Variants in ABL1 observed in about 807,000 individuals in gnomAD.
ABL1 encodes the protein ABL proto-oncogene 1, non-receptor tyrosine kinase.
Under a neutral mutation model 94.7 loss-of-function variants are expected in ABL1, and 11 were observed. The observed-to-expected ratio is 0.12, with a 90% CI of 0.07 to 0.19. The LOEUF (loss-of-function observed/expected upper bound fraction) is 0.19. Among genes scored for constraint, ABL1 ranks in the 10% least tolerant of loss-of-function variants. ABL1 has a pLI of 1.00. For synonymous variants in ABL1, 656 were observed against 622.4 expected (o/e 1.05, Z -0.80); for missense variants, 1,082 against 1,489.4 (o/e 0.73, Z 4.50).
chr9:130,783,687 G>T (rs1425970443), intron 1 of ABL1, among the ~76,000 whole-genome samples: 1 of 151,828 alleles, frequency 6.6e-6, no homozygotes, highest in Non-Finnish European at 1.5e-5. Context: ...ACAGAGTCTC[G>T]CTCTGTCGCC....
intron 1 of ABL1, among the ~76,000 whole-genome samples, chr9:130,782,738 C>A (rs930959521): frequency 4.6e-5 from 7 of 152,178 alleles, no homozygotes; most frequent in Non-Finnish European, 1.0e-4. Flanking sequence ...TGGTGACTGT[C>A]CTTGCTAAGA....
intron 1 of ABL1, among the ~76,000 whole-genome samples, chr9:130,793,100 ATT>A (rs1332102833): frequency 6.6e-6 from 1 of 151,968 alleles, no homozygotes; most frequent in Non-Finnish European, 1.5e-5. Flanking sequence ...TAGTTTTTGT[ATT>A]TTTAGTAGAG....
chr9:130,853,293 A>C (rs778646741), intron 1 of ABL1, among the ~76,000 whole-genome samples: 6 of 145,284 alleles, frequency 4.1e-5, no homozygotes, highest in Non-Finnish European at 8.9e-5. Context: ...CTCCTGCCTC[A>C]GCCTCCCAAG....
chr9:130,866,364 C>G (rs1176252274), intron 4 of ABL1, among the ~76,000 whole-genome samples: 1 of 152,052 alleles, frequency 6.6e-6, no homozygotes, highest in Non-Finnish European at 1.5e-5. Context: ...TCACCTTTTC[C>G]CCCCACTCTC....
rs192500118 is a variant in ABL1 at position 130,713,361 on chromosome 9, G to A, written c.-959G>A. Reference sequence around the variant, plus strand: ...AGAGTCCTTCGTCCCTTACAGCCCCGCCCCGGCTTTGGGACACTGCGGGTG... The same window carrying A: ...AGAGTCCTTCGTCCCTTACAGCCCCACCCCGGCTTTGGGACACTGCGGGTG... On this transcript the variant is annotated 5_prime_UTR_variant, in exon 1 of 11. Coordinates refer to the ABL1 transcript ENST00000372348. Among the ~76,000 whole-genome samples, 462 of 152,258 alleles carry A rather than the reference G, an allele frequency of 3.0e-3. 5 individuals carry two copies. The highest frequency in any genetic ancestry group is 0.011 in the African/African-American group (445 of 41,538).
At chr9:130,800,928 C>CTTTTTTTTTTTTTTTTTT (rs5900906) in intron 1 of ABL1, among the ~76,000 whole-genome samples, 1 of 128,774 alleles carries the variant, frequency 7.8e-6, no homozygotes, top group Non-Finnish European at 1.7e-5. Flanking sequence ...TTTTTCTTTC[C>CTTTTTTTTTTTTTTTTTT]TTTTTTTTTT....
At chr9:130,785,784 A>T (rs1454652102) in intron 1 of ABL1, among the ~76,000 whole-genome samples, 1 of 151,784 alleles carries the variant, frequency 6.6e-6, no homozygotes, top group Non-Finnish European at 1.5e-5. Context: ...TTAGCTGGGC[A>T]TGGTGGTGCA....
In ABL1 at chr9:130,880,454, A is replaced by G; in HGVS notation, c.1514-46A>G. 1.2e-6 allele frequency: 2 copies of G among 1,607,538 alleles called. No homozygotes were observed. Among genetic ancestry groups the G allele is most frequent in the Non-Finnish European group, 1.7e-6 (2 of 1,174,926 alleles). On this transcript the variant is annotated intron_variant, in intron 9 of 10. Coordinates refer to ENST00000318560, the MANE Select transcript of ABL1 (RefSeq NM_005157.6). This position sits in a 1 kb window ranked among gnomAD's most constrained non-coding sequence, Gnocchi z 4.4. ...ACCACCACACCAAGCCAACACCAGT[A>G]CTGATGGCTGCTGGATTTTTGTTTC...
chr9:130,848,431 T>A (rs1230675577), intron 1 of ABL1, among the ~76,000 whole-genome samples: 2 of 144,142 alleles, frequency 1.4e-5, no homozygotes, highest in African/African-American at 2.6e-5. Flanking sequence ...GGCAGGAGAA[T>A]CACGTGAACC....
rs768449586 is a variant in ABL1 at position 130,872,845 on chromosome 9, T to C, written c.908-15T>C. 2.5e-6 allele frequency: 4 copies of C among 1,601,418 alleles called. No homozygotes were observed. Among genetic ancestry groups the C allele is most frequent in the South Asian group, 1.1e-5 (1 of 90,200 alleles). ...GCGGAGCCACGTGTTGAAGTCCTCG[T>C]TGTCTTGTTGGCAGGGGTCTGCACC... On this transcript the variant is annotated splice_polypyrimidine_tract_variant and intron_variant, in intron 5 of 10. Transcript: ENST00000318560. The surrounding 1 kb of genome is among the most constrained non-coding windows in gnomAD (Gnocchi z 5.0).
At chr9:130,883,854 T>C in intron 10 of ABL1, 115 bp from the exon 11 acceptor site, 3 of 1,307,144 alleles carry the variant, frequency 2.3e-6, no homozygotes, top group Non-Finnish European at 1.0e-6. Flanking sequence ...GGAGTCTCAC[T>C]CTGTCTCCTG....
chr9:130,874,767 A>G (rs1317461255), intron 6 of ABL1, 101 bp from the exon 7 acceptor site: 5 of 1,286,102 alleles, frequency 3.9e-6, no homozygotes, highest in Admixed American at 3.7e-5. Context: ...ATTGGACTCA[A>G]TCTTTCCATT....
Position 130,872,090 on chromosome 9 carries a change from TC to T in ABL1, c.823-37del, listed in dbSNP as rs1263423560. The T allele has an allele frequency of 6.3e-7, 1 of 1,596,230 alleles. No homozygotes were observed. The highest frequency in any genetic ancestry group is 1.7e-5 in the Admixed American group (1 of 59,680). On this transcript the variant is annotated intron_variant, in intron 4 of 10. Coordinates refer to ENST00000318560, the MANE Select transcript of ABL1 (RefSeq NM_005157.6). This position sits in a 1 kb window ranked among gnomAD's most constrained non-coding sequence, Gnocchi z 5.0. ...AAGTACTTACCCACTGAAAAGCACT[TC>T]CTGAAATAATTTCACCTTCGTTTTT...
At chr9:130,807,853 A>G (rs1454517950) in intron 1 of ABL1, among the ~76,000 whole-genome samples, 1 of 151,016 alleles carries the variant, frequency 6.6e-6, no homozygotes, top group East Asian at 1.9e-4. Context: ...ACCCGCCACC[A>G]TGCCCGGCTA....
chr9:130,882,980 A>G (rs1339868490), intron 10 of ABL1, among the ~76,000 whole-genome samples: 1 of 151,732 alleles, frequency 6.6e-6, no homozygotes, highest in African/African-American at 2.4e-5. Flanking sequence ...CCCGTGGCAC[A>G]AGCTGGGGGC....
chr9:130,721,824 T>G (rs1164946770), intron 1 of ABL1, among the ~76,000 whole-genome samples: 4 of 144,922 alleles, frequency 2.8e-5, no homozygotes, highest in African/African-American at 5.0e-5. Context: ...TTTTTTTTGT[T>G]TTTTTTTTTT....
At chr9:130,853,479 A>G (rs1457863677) in intron 1 of ABL1, among the ~76,000 whole-genome samples, 1 of 151,408 alleles carries the variant, frequency 6.6e-6, no homozygotes, top group Non-Finnish European at 1.5e-5. Flanking sequence ...CAGTGGCGCA[A>G]TCTCTGCTCA....
At chr9:130,758,308 G>A (rs1446400375) in intron 1 of ABL1, among the ~76,000 whole-genome samples, 1 of 151,930 alleles carries the variant, frequency 6.6e-6, no homozygotes, top group Non-Finnish European at 1.5e-5. Flanking sequence ...TTACAGGCGT[G>A]TACTACCACG....
rs565723193 is a variant in ABL1 at position 130,836,824 on chromosome 9, C to CAAAAAAA, written c.79+1315_79+1321dup. ...TGGGCGACACAGCAAGACTCGGTCT[C>CAAAAAAA]AAAAAAAAAAAAAAAAAAAAAAGAG... is the stretch of plus-strand genomic sequence containing the variant. On this transcript the variant is annotated intron_variant, in intron 1 of 10. Coordinates refer to ENST00000318560, the MANE Select transcript of ABL1 (RefSeq NM_005157.6). Among the ~76,000 whole-genome samples, 408 of 77,144 alleles carry CAAAAAAA rather than the reference C, an allele frequency of 5.3e-3. 5 individuals are homozygous for CAAAAAAA. Among genetic ancestry groups the CAAAAAAA allele is most frequent in the African/African-American group, 0.015 (391 of 25,930 alleles). 50.6% of individuals were successfully genotyped at this position (77,144 alleles called of 152,430 possible).
Sources: gnomAD v4.1 joint callset for allele counts (sites outside exome capture counted in the v4.1 genomes callset) on GRCh38, gnomAD v4.1.1 for gene constraint, Gnocchi (gnomAD v3.1) non-coding constraint, MANE v1.5 for transcripts, NCBI Gene and HGNC (gene_info 2026-07-23, HGNC 2026-07-21) for gene names.